The following MYOM2 variants were observed in gnomAD, a reference collection of about 807,000 sequenced individuals.
The protein encoded by MYOM2 is myomesin-2.
MYOM2 carries 254 observed loss-of-function variants against 187.6 expected under a neutral mutation model. The observed-to-expected ratio is 1.35, with a 90% CI of 1.22 to 1.50. The LOEUF (loss-of-function observed/expected upper bound fraction) is 1.50. Among genes scored for constraint, MYOM2 ranks in the 40% most tolerant of loss-of-function variants. MYOM2 has a pLI of 0.00. For missense variants in MYOM2, 2,796 were observed against 1,924.0 expected (o/e 1.45, Z -8.48); for synonymous variants, 981 against 753.8 (o/e 1.30, Z -4.94).
intron 19 of MYOM2, among the ~76,000 whole-genome samples, chr8:2,100,021 CTTCCTTCCTTCT>C (rs1162983237): frequency 7.1e-5 from 5 of 70,420 alleles, no homozygotes; most frequent in Non-Finnish European, 1.1e-4. Flanking sequence ...CCTTTCTTTC[CTTCCTTCCTTCT>C]TTCCTTCCTT....
chr8:2,115,537 C>T (rs570368571), intron 25 of MYOM2, among the ~76,000 whole-genome samples: 27 of 152,334 alleles, frequency 1.8e-4, no homozygotes, highest in East Asian at 7.7e-4. Context: ...TGCTGTGTCC[C>T]GGGAGCTGAA....
At chr8:2,074,752 C>G (rs995054568) in intron 10 of MYOM2, among the ~76,000 whole-genome samples, 2 of 152,202 alleles carry the variant, frequency 1.3e-5, no homozygotes, top group Non-Finnish European at 2.9e-5. Context: ...CCACCGCGCC[C>G]GGCCCCACCT....
chr8:2,052,172 A>C lies in MYOM2; in HGVS notation c.122A>C (p.Gln41Pro). Residue 41 changes from glutamine (Q) to proline (P), a missense_variant, in exon 3 of 37, where the codon CAG (glutamine) becomes CCG (proline). By Grantham distance (76) the Gln-to-Pro change is moderately conservative (BLOSUM62 -1). Transcript: ENST00000262113. ...TGTTCCTGAAGGCGAGCTTCCACCC[A>C]GGCATCTTCCCAGAAGTCCTTGAGT... Reference protein sequence around the residue: ...EYASKKRASTQASSQKSLSQR... With the variant: ...EYASKKRASTPASSQKSLSQR... 6.2e-7 allele frequency: 1 copy of C among 1,613,476 alleles called. No homozygotes were observed. The highest frequency in any genetic ancestry group is 8.5e-7 in the Non-Finnish European group (1 of 1,179,744).
rs191859029 is a variant in MYOM2 at position 2,090,647 on chromosome 8, C to T, written c.1828+456C>T. 2.4e-4 allele frequency among the ~76,000 whole-genome samples: 36 copies of T among 152,172 alleles called. 1 individual carries two copies. Among genetic ancestry groups the T allele is most frequent in the African/African-American group, 6.7e-4 (28 of 41,500 alleles). ...CACCCTAGACCCTCTGATAGTCCCC[C>T]GTGTGTATTTCCATCTATGTGTCCA... On this transcript the variant is annotated intron_variant, in intron 15 of 36. Transcript: ENST00000262113.
rs777395876 is a variant in MYOM2, at chr8:2,078,765, T to C, written c.1294T>C (p.Cys432Arg). ...CEVGTNNWVQ[C>R]NDAPVKICKY... ...AGTAGGAACGAATAATTGGGTGCAGTGCAATGATGCACCGGTGAAAATCTG... is the reference window on the plus strand; with the variant it reads ...AGTAGGAACGAATAATTGGGTGCAGCGCAATGATGCACCGGTGAAAATCTG... Residue 432 changes from cysteine to arginine, a missense_variant, in exon 12 of 37, where the codon TGC (cysteine) becomes CGC (arginine). By Grantham distance (180) the Cys-to-Arg change is radical. Coordinates refer to ENST00000262113, the MANE Select transcript of MYOM2 (RefSeq NM_003970.4). The C allele has an allele frequency of 6.2e-7, 1 of 1,614,206 alleles. No homozygotes were observed. The highest frequency in any genetic ancestry group is 1.1e-5 in the South Asian group (1 of 91,086).
chr8:2,141,226 C>T (rs1456851884), intron 34 of MYOM2, 49 bp downstream of exon 34: 5 of 1,554,666 alleles, frequency 3.2e-6, no homozygotes, highest in Non-Finnish European at 4.4e-6. Flanking sequence ...GCAGTTGAGT[C>T]CCAGTCGTTT....
In MYOM2 at chr8:2,115,947, G is replaced by C. The variant is rs373935370; in HGVS notation, c.3181-13G>C. 1 of 1,604,866 alleles carries C rather than the reference G, an allele frequency of 6.2e-7. No individual in the cohort carries two copies. ...CCTTGTATAATTCTCCATTTCCCTT[G>C]TTTTGCTTGCAGATACACAGAATTA... is the stretch of plus-strand genomic sequence containing the variant. On this transcript the variant is annotated splice_polypyrimidine_tract_variant and intron_variant, in intron 25 of 36. Coordinates refer to ENST00000262113, the MANE Select transcript of MYOM2 (RefSeq NM_003970.4).
In MYOM2 at chr8:2,102,793, A is replaced by G. The variant is rs1223485213; in HGVS notation, c.2734+12A>G. ...AGAGGCGAGACCAGGTAAGGCTTAC[A>G]ACAAAAACTACAAAACAGCAATGAT... On this transcript the variant is annotated intron_variant, in intron 21 of 36. Transcript: ENST00000262113. 4 of 1,598,252 alleles carry G rather than the reference A, an allele frequency of 2.5e-6. No homozygotes were observed. The highest frequency in any genetic ancestry group is 3.4e-6 in the Non-Finnish European group (4 of 1,166,428).
At chr8:2,129,505 AAC>A (rs1797777536) in intron 32 of MYOM2, among the ~76,000 whole-genome samples, 1 of 152,212 alleles carries the variant, frequency 6.6e-6, no homozygotes, top group African/African-American at 2.4e-5. Flanking sequence ...CTTTACTGGT[AAC>A]ACAGATTTTC....
chr8:2,103,090 T>C (rs761978849), intron 21 of MYOM2, among the ~76,000 whole-genome samples: 1 of 143,722 alleles, frequency 7.0e-6, no homozygotes, highest in Non-Finnish European at 1.5e-5. Context: ...GATGGGTGTA[T>C]GGATAAATGC....
chr8:2,110,011 T>C (rs1001581969), intron 25 of MYOM2, among the ~76,000 whole-genome samples: 1 of 152,214 alleles, frequency 6.6e-6, no homozygotes, highest in African/African-American at 2.4e-5. Flanking sequence ...CAGACTGATG[T>C]GACAGTGTGG....
chr8:2,066,795 A>G (rs536730783), intron 6 of MYOM2, among the ~76,000 whole-genome samples: 10 of 152,318 alleles, frequency 6.6e-5, no homozygotes, highest in African/African-American at 2.4e-4. Flanking sequence ...TGGGGTTTTT[A>G]TGTGTTTTAC....
At chr8:2,049,107 A>G (rs955730759) in intron 1 of MYOM2, among the ~76,000 whole-genome samples, 1 of 152,074 alleles carries the variant, frequency 6.6e-6, no homozygotes, top group Non-Finnish European at 1.5e-5. Flanking sequence ...ATTGTGTTCT[A>G]TGAGGTGCAA....
chr8:2,074,451 C>CT (rs1819344522), intron 10 of MYOM2, among the ~76,000 whole-genome samples: 3 of 150,912 alleles, frequency 2.0e-5, no homozygotes, highest in African/African-American at 4.9e-5. Context: ...CCCACTCCTC[C>CT]TTTTTTTTTA....
chr8:2,135,035 C>G (rs1798020042), intron 32 of MYOM2, among the ~76,000 whole-genome samples: 1 of 152,272 alleles, frequency 6.6e-6, no homozygotes, highest in East Asian at 1.9e-4. Flanking sequence ...CGTCTGTGTA[C>G]TAGAATCTGA....
intron 1 of MYOM2, among the ~76,000 whole-genome samples, chr8:2,048,115 T>A (rs950129685): frequency 8.5e-5 from 13 of 152,224 alleles, no homozygotes; most frequent in South Asian, 2.1e-4. Context: ...TACAAACACA[T>A]CTGAGGTTTA....
chr8:2,081,840 G>A (rs1239804742), intron 13 of MYOM2: 2 of 152,278 alleles, frequency 1.3e-5, no homozygotes, highest in Non-Finnish European at 2.9e-5. Context: ...TTGGCATCCA[G>A]ACACTGTAGC....
chr8:2,100,065 C>T (rs200815082), intron 19 of MYOM2, among the ~76,000 whole-genome samples: 1 of 64,504 alleles, frequency 1.6e-5, no homozygotes, highest in African/African-American at 4.4e-5. Context: ...TCCTTCCTTC[C>T]TTCTTTCCTT....
At chr8:2,131,685 C>T (rs146322846) in intron 32 of MYOM2, among the ~76,000 whole-genome samples, 17,409 of 147,958 alleles carry the variant, frequency 0.12, 1,883 homozygotes, top group African/African-American at 0.27. Flanking sequence ...ACTCTGTCAC[C>T]CAGGCTGGAG....
Sources: allele counts gnomAD v4.1 joint callset (sites outside exome capture counted in the v4.1 genomes callset), GRCh38; gene constraint gnomAD v4.1.1; transcripts MANE v1.5; gene names NCBI Gene and HGNC (gene_info 2026-07-23, HGNC 2026-07-21).